The following CSMD1 variants were observed in gnomAD, a reference collection of about 807,000 sequenced individuals.
CSMD1 encodes the protein CUB and sushi domain-containing protein 1.
CSMD1 carries 213 observed loss-of-function variants against 417.5 expected under a neutral mutation model. The ratio of observed to expected loss-of-function variants is 0.51; its 90% CI spans 0.46 to 0.57. The LOEUF is 0.57. CSMD1 is among the 20% of genes least tolerant of loss of function. CSMD1 has a pLI of 0.00. For synonymous variants in CSMD1, 2,862 were observed against 1,736.8 expected (o/e 1.65, Z -16.11); for missense variants, 6,923 against 4,529.7 (o/e 1.53, Z -15.17).
chr8:3,092,373 A>C (rs1262437932), intron 47 of CSMD1, among the ~76,000 whole-genome samples: 1 of 152,220 alleles, frequency 6.6e-6, no homozygotes, highest in Non-Finnish European at 1.5e-5. Flanking sequence ...AAAATAAAAA[A>C]TGCAACATAT....
intron 2 of CSMD1, among the ~76,000 whole-genome samples, chr8:4,560,876 G>C (rs777715048): frequency 2.6e-5 from 4 of 152,108 alleles, no homozygotes; most frequent in Non-Finnish European, 5.9e-5. Context: ...AAATCCCACA[G>C]TGGTGTCTCT....
At chr8:3,337,329 A>G (rs1425105712) in intron 23 of CSMD1, among the ~76,000 whole-genome samples, 4 of 152,220 alleles carry the variant, frequency 2.6e-5, no homozygotes, top group Non-Finnish European at 5.9e-5. Flanking sequence ...TTTTGTATCT[A>G]TTCAGCAAAT....
chr8:4,966,441 C>G (rs1194416274), intron 1 of CSMD1, among the ~76,000 whole-genome samples: 1 of 152,116 alleles, frequency 6.6e-6, no homozygotes, highest in Non-Finnish European at 1.5e-5. Context: ...GAACACATTT[C>G]CTTGTTAGGC....
intron 6 of CSMD1, among the ~76,000 whole-genome samples, chr8:3,711,944 T>A (rs1018027039): frequency 6.6e-6 from 1 of 152,084 alleles, no homozygotes; most frequent in South Asian, 2.1e-4. Context: ...AAAATTCGAG[T>A]AGTCTCTCAG....
chr8:3,182,892 G>GTGTGTGTGTT (rs1821480721), intron 36 of CSMD1: 1 of 143,552 alleles, frequency 7.0e-6, no homozygotes. Flanking sequence ...GTGTGTGTGT[G>GTGTGTGTGTT]TGTGTATTGT....
intron 3 of CSMD1, among the ~76,000 whole-genome samples, chr8:4,213,992 C>A (rs890001): frequency 6.6e-6 from 1 of 152,176 alleles, no homozygotes; most frequent in Non-Finnish European, 1.5e-5. Flanking sequence ...GGCACACAAA[C>A]AGAAAGGGGC....
chr8:4,851,176 T>A lies in CSMD1; in HGVS notation c.85+143156A>T, dbSNP rs893657593. ...CATGTGTTATTATTCAATTCCCACC[T>A]ATGAGTGAAAATATGCAGTGTTTGG... is the stretch of plus-strand genomic sequence containing the variant. On this transcript the variant is annotated intron_variant, in intron 1 of 69. Coordinates refer to ENST00000635120, the MANE Select transcript of CSMD1 (RefSeq NM_033225.6). Among the ~76,000 whole-genome samples the A allele has an allele frequency of 1.4e-5, 2 of 143,264 alleles. 1 individual carries two copies. The highest frequency in any genetic ancestry group is 5.2e-5 in the African/African-American group (2 of 38,806). The allele number at this position is 143,264 out of a possible 152,430, so 94.0% of individuals were successfully genotyped here. A position where few individuals can be genotyped will look rare whatever the true frequency, so the allele number is the denominator to read the frequency against.
At chr8:3,656,025 G>A (rs148212183) in intron 7 of CSMD1, among the ~76,000 whole-genome samples, 3 of 152,148 alleles carry the variant, frequency 2.0e-5, no homozygotes, top group Non-Finnish European at 2.9e-5. Context: ...TGCAAAGATG[G>A]ACATCTCTCT....
At chr8:3,094,430 T>G (rs1036408833) in intron 47 of CSMD1, among the ~76,000 whole-genome samples, 1 of 152,212 alleles carries the variant, frequency 6.6e-6, no homozygotes, top group Non-Finnish European at 1.5e-5. Context: ...TAATCCAGCA[T>G]CTGAACCCTC....
At chr8:4,955,461 T>C (rs1347661826) in intron 1 of CSMD1, among the ~76,000 whole-genome samples, 1 of 151,966 alleles carries the variant, frequency 6.6e-6, no homozygotes, top group South Asian at 2.1e-4. Context: ...CCTCTCTTTT[T>C]TTTTTTTATT....
intron 5 of CSMD1, among the ~76,000 whole-genome samples, chr8:3,761,309 C>T (rs571636844): frequency 3.4e-4 from 52 of 152,108 alleles, no homozygotes; most frequent in African/African-American, 1.1e-3. Context: ...TATGTACACA[C>T]GCACATACAC....
At chr8:3,156,202 G>A (rs1425639681) in intron 39 of CSMD1, among the ~76,000 whole-genome samples, 3 of 152,158 alleles carry the variant, frequency 2.0e-5, no homozygotes, top group Non-Finnish European at 4.4e-5. Flanking sequence ...AACACCATTT[G>A]GCAGTATGGC....
chr8:3,244,468 C>A lies in CSMD1; in HGVS notation c.4154-14237G>T, dbSNP rs77826640. On this transcript the variant is annotated intron_variant, in intron 26 of 69. Transcript: ENST00000635120. ...GTGGAGCAGGGTTAGTTTGCATAAG[C>A]AGTCTTTCCAGGAAGAAAGGAATAA... is the stretch of plus-strand genomic sequence containing the variant. Among the ~76,000 whole-genome samples, 219 of 152,254 alleles carry A rather than the reference C, an allele frequency of 1.4e-3. 2 individuals carry two copies. The highest frequency in any genetic ancestry group is 5.1e-3 in the African/African-American group (212 of 41,548).
intron 2 of CSMD1, among the ~76,000 whole-genome samples, chr8:4,498,320 T>A (rs566800744): frequency 6.6e-6 from 1 of 152,294 alleles, no homozygotes; most frequent in East Asian, 1.9e-4. Context: ...TATTTAACTA[T>A]TTAGACACAC....
chr8:4,066,995 C>G (rs746753836), intron 3 of CSMD1, among the ~76,000 whole-genome samples: 2 of 152,258 alleles, frequency 1.3e-5, no homozygotes, highest in African/African-American at 2.4e-5. Context: ...AACTCCACAA[C>G]TGAGAAACAA....
At chr8:4,303,819 C>G (rs1016900951) in intron 3 of CSMD1, among the ~76,000 whole-genome samples, 5 of 152,040 alleles carry the variant, frequency 3.3e-5, no homozygotes, top group South Asian at 2.1e-4. Context: ...CTCTCCCCGG[C>G]TAATTGTTGT....
At chr8:3,665,903 A>AGTC (rs1383913400) in intron 7 of CSMD1, among the ~76,000 whole-genome samples, 2 of 152,020 alleles carry the variant, frequency 1.3e-5, no homozygotes, top group Non-Finnish European at 2.9e-5. Context: ...TTTGAGATGG[A>AGTC]GTCGCACTCT....
At chr8:4,494,247 A>G (rs1585163289) in intron 2 of CSMD1, among the ~76,000 whole-genome samples, 1 of 152,238 alleles carries the variant, frequency 6.6e-6, no homozygotes, top group African/African-American at 2.4e-5. Context: ...AAACTGAACA[A>G]ACGTAAAGGA....
intron 49 of CSMD1, among the ~76,000 whole-genome samples, chr8:3,075,666 T>A (rs1249509616): frequency 6.6e-6 from 1 of 152,070 alleles, no homozygotes; most frequent in African/African-American, 2.4e-5. Flanking sequence ...ATCAGTTTTG[T>A]GGGTTGCAGC....
Sources: gnomAD v4.1 joint callset for allele counts (sites outside exome capture counted in the v4.1 genomes callset) on GRCh38, gnomAD v4.1.1 for gene constraint, MANE v1.5 for transcripts, NCBI Gene and HGNC (gene_info 2026-07-23, HGNC 2026-07-21) for gene names.